CCSER1: variants seen among roughly 807,000 people sequenced by gnomAD.
CCSER1 encodes serine-rich coiled-coil domain-containing protein 1.
A neutral mutation model predicts 82.0 loss-of-function variants in CCSER1; 41 were observed. The ratio of observed to expected loss-of-function variants is 0.50; its 90% CI spans 0.39 to 0.65. The LOEUF (loss-of-function observed/expected upper bound fraction) is 0.65, where lower values mean the gene tolerates loss of function less well. Among genes scored for constraint, CCSER1 ranks in the 30% least tolerant of loss-of-function variants. The pLI is 0.00. For synonymous variants in CCSER1, 414 were observed against 383.9 expected (o/e 1.08, Z -0.92); for missense variants, 1,119 against 1,064.2 (o/e 1.05, Z -0.72).
intron 10 of CCSER1, among the ~76,000 whole-genome samples, chr4:91,559,366 C>T (rs902807507): frequency 4.0e-5 from 6 of 151,556 alleles, no homozygotes; most frequent in African/African-American, 1.5e-4. Context: ...GGCTCCACAC[C>T]TTCAGCTGTT....
intron 7 of CCSER1, among the ~76,000 whole-genome samples, chr4:90,804,448 C>T (rs1298714215): frequency 1.3e-5 from 2 of 152,028 alleles, no homozygotes; most frequent in Non-Finnish European, 2.9e-5. Flanking sequence ...CCAGTTTTCC[C>T]AACAACATTT....
At chr4:90,662,262 G>C (rs892301629) in intron 6 of CCSER1, among the ~76,000 whole-genome samples, 1 of 152,062 alleles carries the variant, frequency 6.6e-6, no homozygotes, top group East Asian at 1.9e-4. Flanking sequence ...CTCCCAAAGT[G>C]CTGGGATTAC....
intron 8 of CCSER1, among the ~76,000 whole-genome samples, chr4:90,877,045 A>G (rs1411606373): frequency 6.6e-6 from 1 of 151,922 alleles, no homozygotes; most frequent in Non-Finnish European, 1.5e-5. Flanking sequence ...TTTTCTTTAT[A>G]GTGAGGGAAA....
chr4:90,883,538 G>A (rs1353127957), intron 8 of CCSER1, among the ~76,000 whole-genome samples: 1 of 150,724 alleles, frequency 6.6e-6, no homozygotes, highest in East Asian at 1.9e-4. Flanking sequence ...GAAAGTCTGA[G>A]ATTTTTTTTT....
chr4:90,333,158 T>C (rs1178832768), intron 3 of CCSER1, among the ~76,000 whole-genome samples: 1 of 152,198 alleles, frequency 6.6e-6, no homozygotes, highest in Non-Finnish European at 1.5e-5. Flanking sequence ...AATGTCAATT[T>C]ATCTCATTCC....
At chr4:90,641,496 T>C (rs1726508178) in intron 6 of CCSER1, among the ~76,000 whole-genome samples, 1 of 152,172 alleles carries the variant, frequency 6.6e-6, no homozygotes, top group African/African-American at 2.4e-5. Flanking sequence ...TTCTTATGTA[T>C]GTGAAATCTT....
At chr4:90,523,573 G>A (rs1038477058) in intron 5 of CCSER1, among the ~76,000 whole-genome samples, 9 of 152,124 alleles carry the variant, frequency 5.9e-5, no homozygotes, top group Non-Finnish European at 1.2e-4. Flanking sequence ...CATGGGATTT[G>A]AGAATACAGT....
chr4:90,367,246 CAGA>C (rs1228165269), intron 3 of CCSER1, among the ~76,000 whole-genome samples: 1 of 151,728 alleles, frequency 6.6e-6, no homozygotes, highest in Non-Finnish European at 1.5e-5. Context: ...CAACTACAAA[CAGA>C]AGAAAATTCC....
intron 7 of CCSER1, among the ~76,000 whole-genome samples, chr4:90,758,088 G>A (rs893764925): frequency 7.9e-5 from 12 of 152,066 alleles, no homozygotes; most frequent in Admixed American, 2.0e-4. Context: ...TTAGGCATGC[G>A]CCACCACACC....
chr4:91,280,018 T>A (rs1742794072), intron 10 of CCSER1, among the ~76,000 whole-genome samples: 1 of 152,256 alleles, frequency 6.6e-6, no homozygotes, highest in Non-Finnish European at 1.5e-5. Flanking sequence ...GTAAACAGTG[T>A]CAGTAGTGTC....
rs965752929 is a variant in CCSER1 at position 91,601,035 on chromosome 4, T to C, written c.*1978T>C. On this transcript the variant is annotated 3_prime_UTR_variant, in exon 11 of 11. Transcript: ENST00000509176. ...ATTTGTCCTAAATGTTGGTGTCTGT[T>C]GCTAGAGTATTTTAAATCTGTACAT... is the stretch of plus-strand genomic sequence containing the variant. 6 of 152,102 alleles carry C rather than the reference T, an allele frequency of 3.9e-5. No individual in the cohort carries two copies. Among genetic ancestry groups the C allele is most frequent in the Admixed American group, 3.9e-4 (6 of 15,230 alleles). 9.4% of individuals were successfully genotyped at this position (152,102 alleles called of 1,614,324 possible).
intron 10 of CCSER1, among the ~76,000 whole-genome samples, chr4:91,549,512 C>T (rs774285352): frequency 6.6e-6 from 1 of 151,620 alleles, no homozygotes; most frequent in South Asian, 2.1e-4. Flanking sequence ...TGGGGAGATG[C>T]GATGCATTCA....
chr4:90,991,312 T>A (rs1737009246), intron 9 of CCSER1, among the ~76,000 whole-genome samples: 1 of 152,008 alleles, frequency 6.6e-6, no homozygotes, highest in African/African-American at 2.4e-5. Flanking sequence ...ACTAGGTGGC[T>A]TAAAACAAGA....
chr4:90,799,998 G>A (rs1456834868), intron 7 of CCSER1, among the ~76,000 whole-genome samples: 4 of 152,142 alleles, frequency 2.6e-5, no homozygotes, highest in South Asian at 4.1e-4. Flanking sequence ...GCAGAGTTCC[G>A]AGCTTTCTCC....
At chr4:90,226,675 G>T (rs1399924437) in intron 1 of CCSER1, among the ~76,000 whole-genome samples, 6 of 152,168 alleles carry the variant, frequency 3.9e-5, no homozygotes, top group African/African-American at 1.4e-4. Context: ...CTTCACAAAG[G>T]GGCTTTGGCT....
At chr4:91,280,122 G>C (rs1742803329) in intron 10 of CCSER1, among the ~76,000 whole-genome samples, 1 of 152,328 alleles carries the variant, frequency 6.6e-6, no homozygotes, top group South Asian at 2.1e-4. Flanking sequence ...CAGTCATTTG[G>C]CCACAGTACA....
chr4:91,245,455 T>C (rs561413264), intron 10 of CCSER1, among the ~76,000 whole-genome samples: 1 of 152,136 alleles, frequency 6.6e-6, no homozygotes, highest in Non-Finnish European at 1.5e-5. Context: ...AGCAGACTTT[T>C]AGTGGAAACC....
intron 8 of CCSER1, among the ~76,000 whole-genome samples, chr4:90,839,224 AACAAAT>A (rs1175677711): frequency 6.6e-6 from 1 of 152,240 alleles, no homozygotes; most frequent in Non-Finnish European, 1.5e-5. Context: ...TGAGAATCTA[AACAAAT>A]ACAAAGGTAA....
intron 10 of CCSER1, among the ~76,000 whole-genome samples, chr4:91,481,216 G>C (rs186970912): frequency 2.0e-5 from 3 of 151,786 alleles, no homozygotes; most frequent in Non-Finnish European, 4.4e-5. Flanking sequence ...CCATAACAAA[G>C]TACCACAAAT....
Sources: allele counts gnomAD v4.1 joint callset (sites outside exome capture counted in the v4.1 genomes callset), GRCh38; gene constraint gnomAD v4.1.1; transcripts MANE v1.5; gene names NCBI Gene and HGNC (gene_info 2026-07-23, HGNC 2026-07-21).